POMK: variants seen among roughly 807,000 people sequenced by gnomAD.
POMK encodes the protein Sugen kinase 196.
Under a neutral mutation model 23.0 loss-of-function variants are expected in POMK, and 19 were observed. The observed-to-expected ratio is 0.83, with a 90% CI of 0.58 to 1.21. POMK has a LOEUF of 1.21. Among genes scored for constraint, POMK ranks in the 50% most tolerant of loss-of-function variants. POMK has a pLI of 0.00. For synonymous variants in POMK, 173 were observed against 171.6 expected, an observed-to-expected ratio of 1.01 and a Z score of -0.06; for missense variants, 410 against 431.3, an observed-to-expected ratio of 0.95 and a Z score of 0.44.
intron 4 of POMK, among the ~76,000 whole-genome samples, chr8:43,115,684 C>T (rs1811783393): frequency 6.6e-6 from 1 of 152,218 alleles, no homozygotes; most frequent in South Asian, 2.1e-4. Context: ...CTCCCTACCT[C>T]TTCAGTCTAT....
At chr8:43,098,319 T>C (rs1310947168) in intron 2 of POMK, among the ~76,000 whole-genome samples, 1 of 152,178 alleles carries the variant, frequency 6.6e-6, no homozygotes, top group South Asian at 2.1e-4. Context: ...AAATCTATGT[T>C]CTGTGTCTGA....
In POMK at chr8:43,093,530, G is replaced by C. The variant is rs918657780; in HGVS notation, c.-243G>C. The C allele has an allele frequency of 6.6e-6, 1 of 152,494 alleles. No homozygotes were observed. Among genetic ancestry groups the C allele is most frequent in the Non-Finnish European group, 1.5e-5 (1 of 68,272 alleles). 9.4% of individuals were successfully genotyped at this position (152,494 alleles called of 1,614,324 possible). On this transcript the variant is annotated 5_prime_UTR_variant, in exon 1 of 5. Coordinates refer to ENST00000331373, the MANE Select transcript of POMK (RefSeq NM_032237.5). ...CAGTAGGCCCAGTGCGTGCTGGCCCGGGGTGGCAGGAGCCGCAGAGGCTTG... is the reference window on the plus strand; with the variant it reads ...CAGTAGGCCCAGTGCGTGCTGGCCCCGGGTGGCAGGAGCCGCAGAGGCTTG...
At chr8:43,110,251 TG>T (rs1431772700) in intron 4 of POMK, among the ~76,000 whole-genome samples, 2 of 152,222 alleles carry the variant, frequency 1.3e-5, no homozygotes, top group African/African-American at 2.4e-5. Flanking sequence ...CTTTTACTTT[TG>T]GTGGAAAGCC....
rs1051735622 is a variant in POMK, at chr8:43,123,034, A to G, written c.*157A>G. 9.4e-6 allele frequency: 6 copies of G among 640,868 alleles called. No homozygotes were observed. Among genetic ancestry groups the G allele is most frequent in the Non-Finnish European group, 1.6e-5 (6 of 375,336 alleles). The allele number at this position is 640,868 out of a possible 1,614,324, so 39.7% of individuals were successfully genotyped here. A position where few individuals can be genotyped will look rare whatever the true frequency, so the allele number is the denominator to read the frequency against. The stretch of plus-strand genomic sequence containing the variant: ...TGTCCACATCCACATGTACGTTTGT[A>G]TGTAGTCCACATTGGTTGTTAGATT... On this transcript the variant is annotated 3_prime_UTR_variant, in exon 5 of 5. Transcript: ENST00000331373.
chr8:43,122,509 G>T lies in POMK; in HGVS notation c.685G>T (p.Asp229Tyr). The T allele has an allele frequency of 6.2e-7, 1 of 1,614,164 alleles. No homozygotes were observed. The highest frequency in any genetic ancestry group is 8.5e-7 in the Non-Finnish European group (1 of 1,180,026). Residue 229 changes from aspartate to tyrosine, a missense_variant, in exon 5 of 5, where the codon GAC becomes TAC. Coordinates refer to ENST00000331373, the MANE Select transcript of POMK (RefSeq NM_032237.5). Reference sequence around the variant, plus strand: ...CTTCAGCATTTTGGCAAATGACTTGGACGCCTTACCCCTGGTGAACCACAG... The same window carrying T: ...CTTCAGCATTTTGGCAAATGACTTGTACGCCTTACCCCTGGTGAACCACAG... ...SNFSILANDL[D>Y]ALPLVNHSSG...
At chr8:43,108,098 A>G (rs941667039) in intron 4 of POMK, among the ~76,000 whole-genome samples, 2 of 152,178 alleles carry the variant, frequency 1.3e-5, no homozygotes, top group Non-Finnish European at 2.9e-5. Flanking sequence ...TGTACCTTCA[A>G]ATACTTATGA....
intron 4 of POMK, among the ~76,000 whole-genome samples, chr8:43,114,093 G>C (rs1271692747): frequency 6.6e-6 from 1 of 152,204 alleles, no homozygotes; most frequent in African/African-American, 2.4e-5. Flanking sequence ...TCTGCCTGTT[G>C]TCAGATCTCC....
intron 4 of POMK, among the ~76,000 whole-genome samples, chr8:43,104,039 C>T (rs573433327): frequency 2.0e-5 from 3 of 152,310 alleles, no homozygotes; most frequent in Admixed American, 6.5e-5. Flanking sequence ...TAGGTTTCAG[C>T]CCTTAGGGAA....
At position 43,122,282 on chromosome 8, in the gene POMK, C is replaced by T; in HGVS notation, c.458C>T (p.Pro153Leu). ...DDNTMLTEYH[P>L]LGSLSNLEET... Reference sequence around the variant, plus strand: ...AACACTATGCTTACTGAATATCACCCTCTAGGTTCCTTGAGTAACCTGGAA... The same window carrying T: ...AACACTATGCTTACTGAATATCACCTTCTAGGTTCCTTGAGTAACCTGGAA... The change falls in exon 5 of 5, where the codon CCT becomes CTT. Residue 153 changes from proline to leucine, a missense_variant. Transcript: ENST00000331373. 1.2e-6 allele frequency: 2 copies of T among 1,614,176 alleles called. No homozygotes were observed. Among genetic ancestry groups the T allele is most frequent in the Non-Finnish European group, 1.7e-6 (2 of 1,179,980 alleles).
intron 4 of POMK, among the ~76,000 whole-genome samples, chr8:43,112,208 A>T (rs1811686750): frequency 6.6e-6 from 1 of 152,248 alleles, no homozygotes; most frequent in South Asian, 2.1e-4. Flanking sequence ...TAACCAATGC[A>T]GAGAAGTCCT....
chr8:43,119,433 CTTTTTT>C (rs907663234), intron 4 of POMK, among the ~76,000 whole-genome samples: 1 of 95,988 alleles, frequency 1.0e-5, no homozygotes, highest in South Asian at 3.6e-4. Context: ...TGAAAAACAG[CTTTTTT>C]TTTTTTTTTT....
chr8:43,118,921 C>T (rs1811854836), intron 4 of POMK, among the ~76,000 whole-genome samples: 1 of 152,158 alleles, frequency 6.6e-6, no homozygotes, highest in Non-Finnish European at 1.5e-5. Flanking sequence ...CTGCCATTCT[C>T]CTGCCTCAGC....
intron 2 of POMK, among the ~76,000 whole-genome samples, chr8:43,101,395 G>A (rs1811437632): frequency 6.9e-6 from 1 of 145,744 alleles, no homozygotes; most frequent in African/African-American, 2.6e-5. Context: ...TCCAGCCCGA[G>A]TGACAGAGTC....
chr8:43,110,308 A>C (rs752127736), intron 4 of POMK, among the ~76,000 whole-genome samples: 5 of 152,242 alleles, frequency 3.3e-5, no homozygotes, highest in South Asian at 2.1e-4. Context: ...GGAGCCTAGG[A>C]CACCAGAAGG....
intron 2 of POMK, among the ~76,000 whole-genome samples, chr8:43,101,446 A>G (rs1286635584): frequency 6.6e-6 from 1 of 151,816 alleles, no homozygotes; most frequent in Non-Finnish European, 1.5e-5. Flanking sequence ...AAGGAAGAAA[A>G]TCATAGAATT....
In POMK at chr8:43,103,823, T is replaced by G. The variant is rs746797662; in HGVS notation, c.275T>G (p.Val92Gly). 1.9e-6 allele frequency: 3 copies of G among 1,614,118 alleles called. No individual in the cohort carries two copies. The highest frequency in any genetic ancestry group is 1.7e-6 in the Non-Finnish European group (2 of 1,179,960). Residue 92 changes from valine to glycine, a missense_variant, in exon 4 of 5, where the codon GTA (valine) becomes GGA (glycine). By Grantham distance (109) the Val-to-Gly change is moderately radical. Coordinates refer to ENST00000331373, the MANE Select transcript of POMK (RefSeq NM_032237.5). Reference sequence around the variant, plus strand: ...CTGAAGCGTGTTGGGGAAGGAGCTGTAAAGAGAGTGAGTCCGGGTTCATTT... The same window carrying G: ...CTGAAGCGTGTTGGGGAAGGAGCTGGAAAGAGAGTGAGTCCGGGTTCATTT... The part of the protein sequence containing the change: ...RQLKRVGEGA[V>G]KRVFLSEWKE...
rs372221328 is a variant in POMK at position 43,122,232 on chromosome 8, G to A, written c.408G>A (p.Thr136=). The A allele has an allele frequency of 1.5e-5, 25 of 1,614,036 alleles. 1 individual carries two copies. In the South Asian group the frequency reaches 1.9e-4, roughly 12 times the overall value. Residue 136 remains threonine (T), a synonymous_variant, in exon 5 of 5, where the codon ACG becomes ACA. Coordinates refer to ENST00000331373, the MANE Select transcript of POMK (RefSeq NM_032237.5). ...CTCTCCAAGGCACACATGTTGTCACGCTGCTTGGCTATTGTGAGGATGACA... is the reference window on the plus strand; with the variant it reads ...CTCTCCAAGGCACACATGTTGTCACACTGCTTGGCTATTGTGAGGATGACA... ...LKSLQGTHVV[T]LLGYCEDDNT... is the part of the protein sequence containing the mutation.
intron 4 of POMK, among the ~76,000 whole-genome samples, chr8:43,114,443 C>T (rs1490961834): frequency 2.0e-5 from 3 of 152,188 alleles, no homozygotes; most frequent in Non-Finnish European, 4.4e-5. Flanking sequence ...CCTGGTGTGC[C>T]GTTTTTTAAG....
chr8:43,105,669 G>A (rs1811530733), intron 4 of POMK, among the ~76,000 whole-genome samples: 2 of 152,004 alleles, frequency 1.3e-5, no homozygotes, highest in African/African-American at 2.4e-5. Context: ...CTCTTTTTTT[G>A]TTGTTGTTTT....
Sources: allele counts gnomAD v4.1 joint callset (sites outside exome capture counted in the v4.1 genomes callset), GRCh38; gene constraint gnomAD v4.1.1; transcripts MANE v1.5; gene names NCBI Gene and HGNC (gene_info 2026-07-23, HGNC 2026-07-21).